Variants in RSF1 observed in about 807,000 individuals in gnomAD.
RSF1 encodes the protein remodeling and spacing factor 1.
Under a neutral mutation model 145.2 loss-of-function variants are expected in RSF1, and 13 were observed. That is an observed-to-expected ratio of 0.09 (90% confidence interval 0.06 to 0.14). The LOEUF is 0.14. Ranked by LOEUF, RSF1 falls within the 10% of genes least tolerant of loss-of-function variation. RSF1 has a pLI of 1.00. For missense variants in RSF1, 1,517 were observed against 1,718.2 expected (o/e 0.88, Z 2.07); for synonymous variants, 577 against 592.6 (o/e 0.97, Z 0.38).
At chr11:77,790,109 C>A (rs749713453) in intron 1 of RSF1, among the ~76,000 whole-genome samples, 2 of 152,150 alleles carry the variant, frequency 1.3e-5, no homozygotes, top group Non-Finnish European at 2.9e-5. Context: ...CTGTATGAAT[C>A]CATTTTCACA....
intron 4 of RSF1, among the ~76,000 whole-genome samples, chr11:77,732,258 T>C (rs1185210463): frequency 6.6e-6 from 1 of 152,220 alleles, no homozygotes; most frequent in East Asian, 1.9e-4. Flanking sequence ...GGCCAACTTA[T>C]CTCATTTGGA....
intron 2 of RSF1, among the ~76,000 whole-genome samples, chr11:77,750,109 A>C (rs1449106231): frequency 2.0e-5 from 3 of 152,202 alleles, no homozygotes; most frequent in Non-Finnish European, 4.4e-5. Flanking sequence ...TAAAAAAAAA[A>C]AAATCCACTA....
chr11:77,720,220 T>A (rs1396295261), intron 5 of RSF1, among the ~76,000 whole-genome samples: 2 of 152,196 alleles, frequency 1.3e-5, no homozygotes, highest in Non-Finnish European at 2.9e-5. Context: ...TATATGAAAT[T>A]CTCAAGTGAT....
rs147893916 is a variant in RSF1 at position 77,702,107 on chromosome 11, A to G, written c.1122T>C (p.Leu374=). Residue 374 remains leucine (L), a synonymous_variant, in exon 6 of 16, where the codon CTT becomes CTC. Transcript: ENST00000308488. Reference sequence around the variant, plus strand: ...GTATCTTGGCCTGCTGGTCATTTTTAAGTTTCTCAGTTTCTTCAGTAGATT... The same window carrying G: ...GTATCTTGGCCTGCTGGTCATTTTTGAGTTTCTCAGTTTCTTCAGTAGATT... ...TEKSTEETEK[L]KNDQQAKIPL... is the part of the protein sequence containing the mutation. The G allele has an allele frequency of 1.5e-5, 24 of 1,611,768 alleles. No individual in the cohort carries two copies. Among genetic ancestry groups the G allele is most frequent in the Middle Eastern group, 1.7e-4 (1 of 6,048 alleles).
the RSF1 span, among the ~76,000 whole-genome samples, chr11:77,833,004 T>TAC: frequency 8.2e-4 from 75 of 91,268 alleles, 8 homozygotes; most frequent in African/African-American, 3.4e-3. Context: ...TGTGTATATA[T>TAC]ATATATTTTT....
intron 1 of RSF1, among the ~76,000 whole-genome samples, chr11:77,788,171 A>AAAAAAAAAAG (rs1948478290): frequency 7.2e-6 from 1 of 138,556 alleles, no homozygotes; most frequent in African/African-American, 2.6e-5. Flanking sequence ...AAAAAAAAAA[A>AAAAAAAAAAG]AAAAAATTAG....
At chr11:77,832,531 G>A in the RSF1 span, among the ~76,000 whole-genome samples, 2 of 152,054 alleles carry the variant, frequency 1.3e-5, no homozygotes, top group African/African-American at 4.8e-5. Context: ...TCTCCATGTT[G>A]GTCAGGCTGG....
chr11:77,705,893 A>G (rs1476968071), intron 5 of RSF1, among the ~76,000 whole-genome samples: 1 of 152,098 alleles, frequency 6.6e-6, no homozygotes, highest in Non-Finnish European at 1.5e-5. Flanking sequence ...ACAAACCAAC[A>G]AAAAAACCCA....
the RSF1 span, chr11:77,842,523 A>G: frequency 2.4e-5 from 39 of 1,614,012 alleles, no homozygotes; most frequent in Non-Finnish European, 3.2e-5. Context: ...TTGCTTCCTT[A>G]TCATGGGGGC....
chr11:77,668,834 A>C (rs182945656), intron 15 of RSF1, among the ~76,000 whole-genome samples: 66 of 152,314 alleles, frequency 4.3e-4, no homozygotes, highest in African/African-American at 1.5e-3. Flanking sequence ...TCAATCCTCC[A>C]TGGATACTGA....
In RSF1 at chr11:77,730,801, T is replaced by C. The variant is rs191270227; in HGVS notation, c.579-5102A>G. On this transcript the variant is annotated intron_variant, in intron 4 of 15. Coordinates refer to ENST00000308488, the MANE Select transcript of RSF1 (RefSeq NM_016578.4). ...CACAAGCTTTCTTTTCCTGCCGCCA[T>C]TGATGTAAGACATGACTTGCTCCTC... 3.2e-3 allele frequency among the ~76,000 whole-genome samples: 480 copies of C among 152,340 alleles called. 5 individuals carry two copies. Among genetic ancestry groups the C allele is most frequent in the African/African-American group, 0.011 (441 of 41,570 alleles).
intron 4 of RSF1, chr11:77,735,012 G>A (rs1325777769): frequency 3.2e-5 from 51 of 1,582,218 alleles, no homozygotes; most frequent in Non-Finnish European, 4.3e-5. Flanking sequence ...CCTGTGAGGT[G>A]GACGTGGTCC....
intron 1 of RSF1, chr11:77,813,730 T>C (rs1244293209): frequency 7.9e-6 from 3 of 378,592 alleles, no homozygotes; most frequent in Non-Finnish European, 1.6e-5. Context: ...CGAACAGTAG[T>C]GAGTAAGGAG....
the RSF1 span, among the ~76,000 whole-genome samples, chr11:77,864,518 G>A: frequency 6.6e-6 from 1 of 152,114 alleles, no homozygotes; most frequent in African/African-American, 2.4e-5. Flanking sequence ...TTGCATTTAG[G>A]GTGTATATTA....
At chr11:77,817,132 T>C (rs1033962216) in intron 1 of RSF1, among the ~76,000 whole-genome samples, 2 of 152,230 alleles carry the variant, frequency 1.3e-5, no homozygotes, top group African/African-American at 4.8e-5. Context: ...GCACCCTCAG[T>C]ATCTCAGTAA....
intron 1 of RSF1, among the ~76,000 whole-genome samples, chr11:77,797,118 C>G (rs1361740052): frequency 6.6e-6 from 1 of 152,236 alleles, no homozygotes; most frequent in Non-Finnish European, 1.5e-5. Flanking sequence ...CTATCCCCAT[C>G]AAGCTACCGC....
chr11:77,729,801 T>C (rs923306947), intron 4 of RSF1, among the ~76,000 whole-genome samples: 4 of 147,214 alleles, frequency 2.7e-5, no homozygotes, highest in African/African-American at 5.0e-5. Context: ...AGTATAAATA[T>C]AACAAGCCTT....
At chr11:77,689,791 T>C (rs530225488) in intron 9 of RSF1, among the ~76,000 whole-genome samples, 34 of 152,282 alleles carry the variant, frequency 2.2e-4, no homozygotes, top group Non-Finnish European at 3.8e-4. Flanking sequence ...AAGGTACAAA[T>C]AAATATGAAC....
At position 77,660,810 on chromosome 11, in the gene RSF1, C is replaced by T. The variant is rs553017696; in HGVS notation, c.*6107G>A. 1 of 152,040 alleles carries T rather than the reference C, an allele frequency of 6.6e-6. No homozygotes were observed. Among genetic ancestry groups the T allele is most frequent in the South Asian group, 2.1e-4 (1 of 4,828 alleles). The allele number at this position is 152,040 out of a possible 1,614,324, so 9.4% of individuals were successfully genotyped here. On this transcript the variant is annotated 3_prime_UTR_variant, in exon 16 of 16. Coordinates refer to ENST00000308488, the MANE Select transcript of RSF1 (RefSeq NM_016578.4). The stretch of plus-strand genomic sequence containing the variant: ...GATAGCAAAAAACTGACGCTGGCAA[C>T]ACATGAATATAGCTTTGATTGAAAT...
Sources: gnomAD v4.1 joint callset for allele counts (sites outside exome capture counted in the v4.1 genomes callset) on GRCh38, gnomAD v4.1.1 for gene constraint, MANE v1.5 for transcripts, NCBI Gene and HGNC (gene_info 2026-07-23, HGNC 2026-07-21) for gene names.